Variants in CHRM2 observed in about 807,000 individuals in gnomAD.
CHRM2 encodes the protein muscarinic acetylcholine receptor M2.
Under a neutral mutation model 25.0 loss-of-function variants are expected in CHRM2, and 8 were observed. The observed-to-expected ratio is 0.32, with a 90% CI of 0.19 to 0.58. The LOEUF is 0.58. Ranked by LOEUF, CHRM2 falls within the 20% of genes least tolerant of loss-of-function variation. The probability of loss-of-function intolerance (pLI) is 0.88; values close to 1 mark genes in which losing one functional copy is unlikely to be tolerated. For missense variants in CHRM2, 440 were observed against 567.1 expected (o/e 0.78, Z 2.28); for synonymous variants, 202 against 205.7 (o/e 0.98, Z 0.15).
chr7:136,890,711 T>C (rs907044833), intron 2 of CHRM2, among the ~76,000 whole-genome samples: 1 of 152,194 alleles, frequency 6.6e-6, no homozygotes, highest in African/African-American at 2.4e-5. Context: ...ATATGATTGA[T>C]GGTTCTATCC....
At chr7:136,900,277 C>T (rs1797125553) in intron 2 of CHRM2, among the ~76,000 whole-genome samples, 1 of 152,116 alleles carries the variant, frequency 6.6e-6, no homozygotes, top group African/African-American at 2.4e-5. Flanking sequence ...GACCCTTAAA[C>T]AGTTCCTAGG....
chr7:136,897,153 A>G (rs548767512), intron 2 of CHRM2, among the ~76,000 whole-genome samples: 2 of 151,452 alleles, frequency 1.3e-5, no homozygotes, highest in African/African-American at 2.4e-5. Context: ...AAAAGAAGAC[A>G]TAGAGAGAAG....
chr7:136,955,929 G>GT (rs1213214313), intron 2 of CHRM2, among the ~76,000 whole-genome samples: 12 of 152,134 alleles, frequency 7.9e-5, no homozygotes, highest in East Asian at 3.9e-4. Context: ...TATAATGAGG[G>GT]TTTTTTGTTT....
rs1795738223 is a variant in CHRM2 at position 136,869,704 on chromosome 7, G to A, written c.-125+286G>A. ...ACGGTCACTGAGTCCAGCCGAATGT[G>A]GCGAAAGCAGCCTGGGAGCTGCGCT... is the stretch of plus-strand genomic sequence containing the variant. On this transcript the variant is annotated intron_variant, in intron 2 of 3. Coordinates refer to ENST00000680005, the MANE Select transcript of CHRM2 (RefSeq NM_001006630.2). This position sits in a 1 kb window ranked among gnomAD's most constrained non-coding sequence, Gnocchi z 4.9. 6.6e-6 allele frequency: 1 copy of A among 152,412 alleles called. No individual in the cohort carries two copies. The highest frequency in any genetic ancestry group is 2.4e-5 in the African/African-American group (1 of 41,464). The allele number at this position is 152,412 out of a possible 1,614,324, so 9.4% of individuals were successfully genotyped here. A position where few individuals can be genotyped will look rare whatever the true frequency, so the allele number is the denominator to read the frequency against.
intron 3 of CHRM2, among the ~76,000 whole-genome samples, chr7:137,002,231 A>G (rs564894609): frequency 6.6e-6 from 1 of 152,298 alleles, no homozygotes; most frequent in Non-Finnish European, 1.5e-5. Flanking sequence ...AAAGTTGTTT[A>G]TTTGAAAATA....
chr7:136,879,419 G>C (rs1364117547), intron 2 of CHRM2, among the ~76,000 whole-genome samples: 1 of 151,900 alleles, frequency 6.6e-6, no homozygotes, highest in African/African-American at 2.4e-5. Flanking sequence ...AACCTGCTTG[G>C]AATAATTCTG....
chr7:136,989,505 T>C (rs1372506754), intron 2 of CHRM2, among the ~76,000 whole-genome samples: 2 of 152,194 alleles, frequency 1.3e-5, no homozygotes, highest in Non-Finnish European at 2.9e-5. Flanking sequence ...TGTGCATCCA[T>C]GATACCCACT....
chr7:136,932,608 A>C (rs1016837155), intron 2 of CHRM2, among the ~76,000 whole-genome samples: 3 of 152,242 alleles, frequency 2.0e-5, no homozygotes, highest in Non-Finnish European at 4.4e-5. Flanking sequence ...CTTACATTAT[A>C]CATTAAAACA....
chr7:136,999,186 T>C (rs1803812027), intron 3 of CHRM2, among the ~76,000 whole-genome samples: 1 of 152,146 alleles, frequency 6.6e-6, no homozygotes, highest in Non-Finnish European at 1.5e-5. Context: ...TCATGAACGA[T>C]GTTTATTACT....
intron 2 of CHRM2, among the ~76,000 whole-genome samples, chr7:136,900,320 AT>A (rs986192141): frequency 2.6e-5 from 4 of 152,034 alleles, no homozygotes; most frequent in Non-Finnish European, 5.9e-5. Context: ...CAAGTTAACT[AT>A]TTTTTTTAAT....
intron 2 of CHRM2, among the ~76,000 whole-genome samples, chr7:136,920,623 C>T (rs1181264977): frequency 6.6e-6 from 1 of 152,188 alleles, no homozygotes; most frequent in African/African-American, 2.4e-5. Context: ...TTGTTCTCTA[C>T]ACCCTAAGCA....
intron 3 of CHRM2, among the ~76,000 whole-genome samples, chr7:137,003,387 G>C (rs1244285045): frequency 6.6e-6 from 1 of 151,862 alleles, no homozygotes; most frequent in Admixed American, 6.6e-5. Flanking sequence ...GAAGAACAGA[G>C]ACATTCTTTC....
intron 2 of CHRM2, among the ~76,000 whole-genome samples, chr7:136,883,641 T>C (rs1796350710): frequency 6.6e-6 from 1 of 152,178 alleles, no homozygotes; most frequent in Non-Finnish European, 1.5e-5. Flanking sequence ...AAGAAAGATA[T>C]GAGGCTATAA....
chr7:136,878,696 G>A lies in CHRM2; in HGVS notation c.-125+9278G>A, dbSNP rs540903170. Among the ~76,000 whole-genome samples the A allele has an allele frequency of 3.3e-5, 5 of 151,954 alleles. No individual in the cohort carries two copies. In the South Asian group the frequency reaches 6.2e-4, roughly 19 times the overall value. On this transcript the variant is annotated intron_variant, in intron 2 of 3. Transcript: ENST00000680005. The stretch of plus-strand genomic sequence containing the variant: ...TTGTTTCTATACCTCATGCCCACCC[G>A]ATGTGGTAAATTTATTCCTTTTTCT...
rs1470563965 is a variant in CHRM2, at chr7:136,985,574, A to G, written c.-124-6613A>G. ...GAAATATCCTGAGTCATGGCATTGA[A>G]GAAAGCAATGGAGTTTGTATCAATC... is the stretch of plus-strand genomic sequence containing the variant. On this transcript the variant is annotated intron_variant, in intron 2 of 3. Transcript: ENST00000680005. 2.0e-5 allele frequency among the ~76,000 whole-genome samples: 3 copies of G among 151,976 alleles called. No homozygotes were observed. In the South Asian group the frequency reaches 6.2e-4, roughly 32 times the overall value.
intron 2 of CHRM2, among the ~76,000 whole-genome samples, chr7:136,957,177 T>C (rs1481296332): frequency 6.6e-6 from 1 of 152,226 alleles, no homozygotes; most frequent in African/African-American, 2.4e-5. Context: ...AGGATTTGGA[T>C]GGCAATTTCT....
intron 2 of CHRM2, among the ~76,000 whole-genome samples, chr7:136,893,221 C>T (rs1213257765): frequency 2.6e-5 from 4 of 152,086 alleles, no homozygotes; most frequent in Non-Finnish European, 5.9e-5. Context: ...CTCTACTGGC[C>T]GTGGTACCCA....
At chr7:136,965,780 C>G (rs1801377110) in intron 2 of CHRM2, among the ~76,000 whole-genome samples, 1 of 151,630 alleles carries the variant, frequency 6.6e-6, no homozygotes, top group Admixed American at 6.6e-5. Flanking sequence ...TAAAGAGATA[C>G]ACATAAAAAT....
intron 2 of CHRM2, among the ~76,000 whole-genome samples, chr7:136,880,603 G>T (rs1440606299): frequency 6.6e-6 from 1 of 151,788 alleles, no homozygotes; most frequent in African/African-American, 2.4e-5. Flanking sequence ...ATTATTGAAA[G>T]AATTTTTTTC....
Sources: gnomAD v4.1 joint callset for allele counts (sites outside exome capture counted in the v4.1 genomes callset) on GRCh38, gnomAD v4.1.1 for gene constraint, Gnocchi (gnomAD v3.1) non-coding constraint, MANE v1.5 for transcripts, NCBI Gene and HGNC (gene_info 2026-07-23, HGNC 2026-07-21) for gene names.